TMEM270: variants seen among roughly 807,000 people sequenced by gnomAD.
TMEM270 encodes the protein transmembrane protein 270.
Under a neutral mutation model 29.9 loss-of-function variants are expected in TMEM270, and 30 were observed. The observed-to-expected ratio is 1.00, with a 90% CI of 0.75 to 1.36. The LOEUF (loss-of-function observed/expected upper bound fraction) is 1.36. Among genes scored for constraint, TMEM270 ranks in the 40% most tolerant of loss-of-function variants. The probability of loss-of-function intolerance (pLI) is 0.00; values close to 1 mark genes in which losing one functional copy is unlikely to be tolerated. For synonymous variants in TMEM270, 135 were observed against 139.8 expected (o/e 0.97, Z 0.24); for missense variants, 313 against 307.1 (o/e 1.02, Z -0.14).
rs1788880598 is a variant in TMEM270, at chr7:73,865,314, T to C, written c.394T>C (p.Leu132=). 1 of 1,613,414 alleles carries C rather than the reference T, an allele frequency of 6.2e-7. No individual in the cohort carries two copies. Among genetic ancestry groups the C allele is most frequent in the Non-Finnish European group, 8.5e-7 (1 of 1,179,970 alleles). ...LSVAIWTDLF[L]SCLHGLMLVA... ...TGTGGCCATCTGGACAGATCTGTTT[T>C]TGTCATGTCTGCACGGCCTGATGTT... The change falls in exon 2 of 3, where the codon TTG becomes CTG. Residue 132 remains leucine, a synonymous_variant. Coordinates refer to ENST00000320531, the MANE Select transcript of TMEM270 (RefSeq NM_182504.4).
chr7:73,863,792 CT>C (rs1788840579), intron 1 of TMEM270, among the ~76,000 whole-genome samples: 1 of 152,134 alleles, frequency 6.6e-6, no homozygotes, highest in Non-Finnish European at 1.5e-5. Flanking sequence ...CTCCCTGCCC[CT>C]AATGGCATTG....
At chr7:73,863,979 C>A (rs554929373) in intron 1 of TMEM270, among the ~76,000 whole-genome samples, 3 of 151,774 alleles carry the variant, frequency 2.0e-5, no homozygotes, top group Non-Finnish European at 4.4e-5. Flanking sequence ...TGTAAATAAT[C>A]ATTTAAATCC....
intron 1 of TMEM270, among the ~76,000 whole-genome samples, chr7:73,864,132 A>AAAAT (rs1435790273): frequency 1.3e-5 from 2 of 150,840 alleles, no homozygotes; most frequent in African/African-American, 4.9e-5. Flanking sequence ...AAAAAAAAAA[A>AAAAT]AAAAATTAGC....
chr7:73,864,114 CAAAAAAAAA>C (rs34181696), intron 1 of TMEM270, among the ~76,000 whole-genome samples: 4 of 81,018 alleles, frequency 4.9e-5, no homozygotes, highest in East Asian at 3.7e-4. Flanking sequence ...CCCGCCTCTA[CAAAAAAAAA>C]AAAAAAAAAA....
In TMEM270 at chr7:73,865,783, C is replaced by T; in HGVS notation, c.708C>T (p.Val236=). 1 of 1,614,098 alleles carries T rather than the reference C, an allele frequency of 6.2e-7. No homozygotes were observed. The highest frequency in any genetic ancestry group is 8.5e-7 in the Non-Finnish European group (1 of 1,180,024). The change falls in exon 3 of 3, where the codon GTC becomes GTT. Residue 236 remains valine (V), a synonymous_variant. Transcript: ENST00000320531. ...CCCAGGAGGTTGAACCCCAGGAGGT[C>T]TCAGGGTCTTCCTTGCTGCCCTCAC... The part of the protein sequence containing the change: ...AEAQEVEPQE[V]SGSSLLPSLS...
At chr7:73,865,492 T>A in intron 2 of TMEM270, 71 bp downstream of exon 2, 2 of 1,580,282 alleles carry the variant, frequency 1.3e-6, no homozygotes, top group South Asian at 2.4e-5. Flanking sequence ...CAGGGCTGGC[T>A]GGGCTTGCAG....
In TMEM270 at chr7:73,861,172, G is replaced by A. The variant is rs79659634; in HGVS notation, c.-23G>A. ...TGAGGTCACCCTGCTTCTCCCAGCT[G>A]GAGTAGGTGGGGGAGGCCAGACATG... On this transcript the variant is annotated 5_prime_UTR_variant, in exon 1 of 3. Transcript: ENST00000320531. 32 of 1,613,032 alleles carry A rather than the reference G, an allele frequency of 2.0e-5. No individual in the cohort carries two copies. Among genetic ancestry groups the A allele is most frequent in the Non-Finnish European group, 2.3e-5 (27 of 1,179,306 alleles).
intron 1 of TMEM270, among the ~76,000 whole-genome samples, chr7:73,862,914 CT>C (rs1244191297): frequency 7.2e-6 from 1 of 139,798 alleles, no homozygotes; most frequent in Non-Finnish European, 1.5e-5. Context: ...TGCATCTTGG[CT>C]GTTTTACCCT....
intron 1 of TMEM270, among the ~76,000 whole-genome samples, 181 bp from the exon 2 acceptor site, chr7:73,864,812 A>G (rs554304014): frequency 1.3e-5 from 2 of 152,032 alleles, no homozygotes; most frequent in African/African-American, 4.8e-5. Context: ...CTGAAGCAGG[A>G]GAATCGCCCG....
At chr7:73,861,502 C>T (rs781841472) in intron 1 of TMEM270, 25 of 636,238 alleles carry the variant, frequency 3.9e-5, no homozygotes, top group Admixed American at 6.3e-5. Flanking sequence ...CAGCCTGGAG[C>T]GCAGTGGTGC....
chr7:73,865,123 C>A lies in TMEM270; in HGVS notation c.203C>A (p.Ala68Asp), dbSNP rs569591122. 1 of 1,600,546 alleles carries A rather than the reference C, an allele frequency of 6.2e-7. No individual in the cohort carries two copies. Among genetic ancestry groups the A allele is most frequent in the Non-Finnish European group, 8.5e-7 (1 of 1,171,508 alleles). ...TGGCAGGCCCACCTACCCCTGGGAGCTGCAGCCTGCCCCCTGGGCCAGGCT... is the reference window on the plus strand; with the variant it reads ...TGGCAGGCCCACCTACCCCTGGGAGATGCAGCCTGCCCCCTGGGCCAGGCT... ...CNWQAHLPLG[A>D]AACPLGQALW... The change falls in exon 2 of 3, where the codon GCT becomes GAT. Residue 68 changes from alanine to aspartate, a missense_variant. Ala to Asp is a moderately radical substitution (Grantham distance 126). Coordinates refer to ENST00000320531, the MANE Select transcript of TMEM270 (RefSeq NM_182504.4).
intron 1 of TMEM270, among the ~76,000 whole-genome samples, chr7:73,863,822 C>T (rs1390296794): frequency 6.6e-6 from 1 of 152,194 alleles, no homozygotes; most frequent in Admixed American, 6.5e-5. Context: ...CCCAGCAGCC[C>T]TCCTGATGCC....
chr7:73,864,507 C>T (rs899079637), intron 1 of TMEM270, among the ~76,000 whole-genome samples: 7 of 152,062 alleles, frequency 4.6e-5, no homozygotes, highest in Non-Finnish European at 8.8e-5. Flanking sequence ...AGAAGGGAGT[C>T]CTTCAAAGTG....
At position 73,865,012 on chromosome 7, in the gene TMEM270, A is replaced by G; in HGVS notation, c.92A>G (p.His31Arg). Residue 31 changes from histidine to arginine, a missense_variant, in exon 2 of 3, where the codon CAC becomes CGC. Transcript: ENST00000320531. ...CTGCAGTTGGTTCAGAACCGAGATC[A>G]CCTCTATAATTTCCTGCTCCTCAAG... Reference protein sequence around the residue: ...LSVLLVQNRDHLYNFLLLKIN... With the variant: ...LSVLLVQNRDRLYNFLLLKIN... 1.3e-6 allele frequency: 2 copies of G among 1,503,360 alleles called. No homozygotes were observed. The highest frequency in any genetic ancestry group is 2.7e-5 in the South Asian group (2 of 72,930). The allele number at this position is 1,503,360 out of a possible 1,614,324, so 93.1% of individuals were successfully genotyped here.
At chr7:73,864,933 G>A (rs1788866983) in intron 1 of TMEM270, 60 bp from the exon 2 acceptor site, 1 of 1,323,322 alleles carries the variant, frequency 7.6e-7, no homozygotes, top group Non-Finnish European at 1.0e-6. Flanking sequence ...AGAAAAAGTG[G>A]GGTTCCTGTC....
At position 73,865,129 on chromosome 7, in the gene TMEM270, C is replaced by G; in HGVS notation, c.209C>G (p.Ala70Gly). 1 of 1,604,426 alleles carries G rather than the reference C, an allele frequency of 6.2e-7. No individual in the cohort carries two copies. The highest frequency in any genetic ancestry group is 8.5e-7 in the Non-Finnish European group (1 of 1,173,678). ...GCCCACCTACCCCTGGGAGCTGCAGCCTGCCCCCTGGGCCAGGCTCTCTGG... is the reference window on the plus strand; with the variant it reads ...GCCCACCTACCCCTGGGAGCTGCAGGCTGCCCCCTGGGCCAGGCTCTCTGG... ...WQAHLPLGAAACPLGQALWAG... is the reference protein window; with the variant it reads ...WQAHLPLGAAGCPLGQALWAG... Residue 70 changes from alanine (A) to glycine (G), a missense_variant, in exon 2 of 3, where the codon GCC (alanine) becomes GGC (glycine). Coordinates refer to ENST00000320531, the MANE Select transcript of TMEM270 (RefSeq NM_182504.4).
At chr7:73,861,320 A>C in intron 1 of TMEM270, 54 bp downstream of exon 1, 1 of 1,556,134 alleles carries the variant, frequency 6.4e-7, no homozygotes, top group East Asian at 2.3e-5. Flanking sequence ...GGCCCTTCAC[A>C]GAGCCACCTC....
rs1554639746 is a variant in TMEM270 at position 73,865,106 on chromosome 7, C to A, written c.186C>A (p.Ala62=). ...QEARGSCNWQ[A]HLPLGAAACP... ...CCCGGGGGTCCTGTAACTGGCAGGC[C>A]CACCTACCCCTGGGAGCTGCAGCCT... Residue 62 remains alanine (A), a synonymous_variant, in exon 2 of 3, where the codon GCC becomes GCA. Transcript: ENST00000320531. 4 of 1,577,660 alleles carry A rather than the reference C, an allele frequency of 2.5e-6. No homozygotes were observed. The highest frequency in any genetic ancestry group is 3.4e-6 in the Non-Finnish European group (4 of 1,160,880).
At chr7:73,865,551 C>CCTGCCCAT (rs1255611170) in intron 2 of TMEM270, 26 bp from the exon 3 acceptor site, 10 of 1,607,370 alleles carry the variant, frequency 6.2e-6, no homozygotes, top group Non-Finnish European at 8.5e-6. Flanking sequence ...CTAAGGGCCA[C>CCTGCCCAT]CTGCCCATCT....
Sources: allele counts gnomAD v4.1 joint callset (sites outside exome capture counted in the v4.1 genomes callset), GRCh38; gene constraint gnomAD v4.1.1; transcripts MANE v1.5; gene names NCBI Gene and HGNC (gene_info 2026-07-23, HGNC 2026-07-21).